The following COL11A1 variants were observed in gnomAD, a reference collection of about 807,000 sequenced individuals.
The protein encoded by COL11A1 is collagen alpha-1(XI) chain.
In COL11A1, 74 loss-of-function variants were observed where a neutral mutation model predicts 265.2. The observed-to-expected ratio is 0.28, with a 90% CI of 0.23 to 0.34. The LOEUF is 0.34. COL11A1 is among the 10% of genes least tolerant of loss of function. COL11A1 has a pLI of 1.00. For missense variants in COL11A1, 2,165 were observed against 2,263.6 expected (o/e 0.96, Z 0.88); for synonymous variants, 816 against 727.6 (o/e 1.12, Z -1.96).
At chr1:103,037,801 G>A (rs1668492958) in intron 4 of COL11A1, among the ~76,000 whole-genome samples, 3 of 152,042 alleles carry the variant, frequency 2.0e-5, no homozygotes, top group Non-Finnish European at 1.5e-5. Context: ...TTCTAAGAGA[G>A]CAATTTTTTG....
In COL11A1 at chr1:102,883,216, C is replaced by T. The variant is rs1282435873; in HGVS notation, c.4954G>A (p.Asp1652Asn). Reference sequence around the variant, plus strand: ...GTACTTACTCCCTCAGATTTTTTGTCTGGATAAATGCAAGTCTCACCACCA... The same window carrying T: ...GTACTTACTCCCTCAGATTTTTTGTTTGGATAAATGCAAGTCTCACCACCA... ...TSGGETCIYP[D>N]KKSEGVRISS... is the part of the protein sequence containing the mutation. The change falls in exon 64 of 67, where the codon GAC becomes AAC. Residue 1652 changes from aspartate (D) to asparagine (N), a missense_variant. Physicochemically the swap from Asp to Asn is conservative, Grantham distance 23. Coordinates refer to ENST00000370096, the MANE Select transcript of COL11A1 (RefSeq NM_001854.4). 6.2e-7 allele frequency: 1 copy of T among 1,611,682 alleles called. No homozygotes were observed. The highest frequency in any genetic ancestry group is 1.3e-5 in the African/African-American group (1 of 74,814).
Position 102,965,520 on chromosome 1 carries a change from G to A in COL11A1, c.2883C>T (p.Gly961=), listed in dbSNP as rs2101595386. 1 of 1,613,650 alleles carries A rather than the reference G, an allele frequency of 6.2e-7. No homozygotes were observed. The highest frequency in any genetic ancestry group is 8.5e-7 in the Non-Finnish European group (1 of 1,179,714). Residue 961 remains glycine (G), a synonymous_variant, in exon 38 of 67, where the codon GGC becomes GGT. Transcript: ENST00000370096. ...CAACCACTCCCCCTGGCCCAGGAGGGCCGGTCTTGCCTTGAAATCCCTAAG... is the reference window on the plus strand; with the variant it reads ...CAACCACTCCCCCTGGCCCAGGAGGACCGGTCTTGCCTTGAAATCCCTAAG... ...RGETGFQGKT[G]PPGPGGVVGP... is the part of the protein sequence containing the mutation.
At chr1:102,938,960 T>C in intron 44 of COL11A1, 75 bp downstream of exon 44, 1 of 1,291,064 alleles carries the variant, frequency 7.7e-7, no homozygotes, top group Non-Finnish European at 1.1e-6. Flanking sequence ...AGTAGCACTA[T>C]ATAAAAATAT....
chr1:102,977,869 G>A lies in COL11A1; in HGVS notation c.2754+839C>T, dbSNP rs189830849. On this transcript the variant is annotated intron_variant, in intron 35 of 66. Coordinates refer to ENST00000370096, the MANE Select transcript of COL11A1 (RefSeq NM_001854.4). ...TTGTGTGTTATCTACTCCCATTTTC[G>A]TCACAAATAAAAACTCAAGTTTTGC... 6.3e-3 allele frequency among the ~76,000 whole-genome samples: 951 copies of A among 151,964 alleles called. 15 individuals are homozygous for A. The highest frequency in any genetic ancestry group is 0.022 in the African/African-American group (896 of 41,468).
At chr1:103,100,724 C>A (rs774261379) in intron 1 of COL11A1, 1 of 151,946 alleles carries the variant, frequency 6.6e-6, no homozygotes, top group African/African-American at 2.4e-5. Flanking sequence ...CATTAGAACA[C>A]CCAGCAAAGT....
chr1:103,031,375 A>G (rs1040877117), intron 4 of COL11A1, 131 bp from the exon 5 acceptor site: 2 of 1,133,892 alleles, frequency 1.8e-6, no homozygotes, highest in African/African-American at 3.1e-5. Context: ...TTATATTTCA[A>G]TGTTAAGAAG....
intron 35 of COL11A1, among the ~76,000 whole-genome samples, chr1:102,977,407 G>C (rs7543082): frequency 0.086 from 13,106 of 152,120 alleles, 673 homozygotes; most frequent in African/African-American, 0.14. Context: ...TTCCCAAGAG[G>C]TACTTGTCTC....
At chr1:103,012,513 G>A in intron 13 of COL11A1, 44 bp from the exon 14 acceptor site, 1 of 1,467,944 alleles carries the variant, frequency 6.8e-7, no homozygotes, top group South Asian at 1.1e-5. Flanking sequence ...TCTCCTGGAA[G>A]AGCACATTAA....
chr1:103,018,922 G>T (rs1666778399), intron 9 of COL11A1, 63 bp from the exon 10 acceptor site: 1 of 1,232,296 alleles, frequency 8.1e-7, no homozygotes, highest in South Asian at 1.2e-5. Context: ...TTAATTACAT[G>T]AATATAAGAG....
chr1:103,082,953 T>C lies in COL11A1; in HGVS notation c.126A>G (p.Leu42=), dbSNP rs764299075. 5.6e-6 allele frequency: 9 copies of C among 1,613,234 alleles called. No homozygotes were observed. Among genetic ancestry groups the C allele is most frequent in the Non-Finnish European group, 5.1e-6 (6 of 1,179,532 alleles). The change falls in exon 2 of 67, where the codon CTA becomes CTG. Residue 42 remains leucine, a synonymous_variant. Transcript: ENST00000370096. ...EVRGAAPVDV[L]KALDFHNSPE... The stretch of plus-strand genomic sequence containing the variant: ...GAGAATTGTGAAAATCTAGTGCTTT[T>C]AGTACATCAACTGGAGCAGCTGAAA...
intron 37 of COL11A1, among the ~76,000 whole-genome samples, chr1:102,968,392 A>C (rs78187360): frequency 0.011 from 1,603 of 152,310 alleles, 27 homozygotes; most frequent in African/African-American, 0.037. Context: ...ATTTCAATAT[A>C]ATAGAAACCA....
chr1:102,983,926 G>T (rs1663280429), intron 31 of COL11A1, among the ~76,000 whole-genome samples: 4 of 151,988 alleles, frequency 2.6e-5, no homozygotes. Flanking sequence ...TTCGTTTCAT[G>T]ATTCCTTCTC....
intron 20 of COL11A1, among the ~76,000 whole-genome samples, chr1:103,004,182 A>G (rs181477341): frequency 4.6e-5 from 7 of 152,298 alleles, no homozygotes; most frequent in African/African-American, 1.7e-4. Flanking sequence ...ACAAAGAAAC[A>G]GCAACAAAAA....
intron 10 of COL11A1, 66 bp downstream of exon 10, chr1:103,018,752 A>G: frequency 8.4e-7 from 1 of 1,195,618 alleles, no homozygotes; most frequent in Non-Finnish European, 1.2e-6. Context: ...CTCATTCAGT[A>G]ATTAATAGAA....
At chr1:102,966,474 G>C (rs558313320) in intron 37 of COL11A1, among the ~76,000 whole-genome samples, 109 of 152,288 alleles carry the variant, frequency 7.2e-4, no homozygotes, top group Middle Eastern at 3.4e-3. Flanking sequence ...AGTAGGTAAA[G>C]AGTCTGTAAT....
chr1:102,905,037 G>T (rs1028227902), intron 54 of COL11A1, among the ~76,000 whole-genome samples: 17 of 151,870 alleles, frequency 1.1e-4, no homozygotes, highest in Admixed American at 2.6e-4. Flanking sequence ...GGAATACTAT[G>T]CAGCCATAAA....
chr1:102,973,576 T>C (rs899392130), intron 36 of COL11A1, among the ~76,000 whole-genome samples: 1 of 152,204 alleles, frequency 6.6e-6, no homozygotes, highest in Admixed American at 6.5e-5. Context: ...AAAATATACA[T>C]ACAGTGACTT....
At chr1:103,051,975 T>G (rs544501762) in intron 4 of COL11A1, among the ~76,000 whole-genome samples, 44 of 152,304 alleles carry the variant, frequency 2.9e-4, no homozygotes, top group Admixed American at 1.3e-3. Context: ...TTTAAACAGT[T>G]TGTATATGTA....
At chr1:103,040,642 C>G (rs12036215) in intron 4 of COL11A1, among the ~76,000 whole-genome samples, 88,550 of 151,284 alleles carry the variant, frequency 0.59, 28,731 homozygotes, top group East Asian at 0.91. Flanking sequence ...ATTTTAAAAA[C>G]ATTTGTTGTC....
Sources: gnomAD v4.1 joint callset for allele counts (sites outside exome capture counted in the v4.1 genomes callset) on GRCh38, gnomAD v4.1.1 for gene constraint, MANE v1.5 for transcripts, NCBI Gene and HGNC (gene_info 2026-07-23, HGNC 2026-07-21) for gene names.